Variants in DYNLRB2 observed in about 807,000 individuals in gnomAD.
The protein encoded by DYNLRB2 is bithoraxoid-like protein.
DYNLRB2 carries 14 observed loss-of-function variants against 12.6 expected under a neutral mutation model. The observed-to-expected ratio is 1.11, with a 90% CI of 0.73 to 1.73. The LOEUF is 1.73. DYNLRB2 is among the 40% of genes most tolerant of loss of function. DYNLRB2 has a pLI of 0.00. For synonymous variants in DYNLRB2, 53 were observed against 37.0 expected (o/e 1.43, Z -1.57); for missense variants, 142 against 117.7 (o/e 1.21, Z -0.95).
intron 2 of DYNLRB2, among the ~76,000 whole-genome samples, chr16:80,545,467 G>C (rs1053559344): frequency 1.3e-5 from 2 of 151,918 alleles, no homozygotes; most frequent in Non-Finnish European, 2.9e-5. Context: ...AGCGGTCACC[G>C]GCATGTTCTA....
chr16:80,541,407 A>C (rs920363227), intron 1 of DYNLRB2: 1 of 984,508 alleles, frequency 1.0e-6, no homozygotes, highest in Non-Finnish European at 1.2e-6. Flanking sequence ...AAGTTTCCAA[A>C]GAGGGGGCGG....
chr16:80,549,522 G>C lies in DYNLRB2; in HGVS notation c.118G>C (p.Val40Leu). ...IRTTLDNSTT[V>L]QYAGLLHHLT... ...AACAACCTTGGACAACTCAACAACT[G>C]TTCAATATGCAGGCCTTCTTCATCA... The change falls in exon 3 of 4, where the codon GTT (valine) becomes CTT (leucine). Residue 40 changes from valine (V) to leucine (L), a missense_variant. Physicochemically the swap from Val to Leu is conservative, Grantham distance 32. Coordinates refer to ENST00000305904, the MANE Select transcript of DYNLRB2 (RefSeq NM_130897.3). The C allele has an allele frequency of 6.2e-7, 1 of 1,612,806 alleles. No homozygotes were observed. Among genetic ancestry groups the C allele is most frequent in the Non-Finnish European group, 8.5e-7 (1 of 1,179,164 alleles).
intron 3 of DYNLRB2, 94 bp from the exon 4 acceptor site, chr16:80,550,421 C>G: frequency 7.0e-7 from 1 of 1,437,932 alleles, no homozygotes. Context: ...GCACAAGGTC[C>G]CTGTGATGTT....
At chr16:80,550,055 A>T (rs570457254) in intron 3 of DYNLRB2, among the ~76,000 whole-genome samples, 1 of 152,324 alleles carries the variant, frequency 6.6e-6, no homozygotes, top group African/African-American at 2.4e-5. Flanking sequence ...CCCCAGGTCT[A>T]CCAGAAGACA....
intron 2 of DYNLRB2, among the ~76,000 whole-genome samples, chr16:80,545,384 A>G (rs1015577683): frequency 6.6e-6 from 1 of 152,194 alleles, no homozygotes; most frequent in Admixed American, 6.5e-5. Context: ...ACATTACTCT[A>G]TTTAAAAGGT....
chr16:80,550,679 C>G lies in DYNLRB2; in HGVS notation c.*121C>G. 1.8e-6 allele frequency: 2 copies of G among 1,093,418 alleles called. No individual in the cohort carries two copies. The highest frequency in any genetic ancestry group is 2.8e-6 in the Non-Finnish European group (2 of 720,916). The allele number at this position is 1,093,418 out of a possible 1,614,324, so 67.7% of individuals were successfully genotyped here. A position where few individuals can be genotyped will look rare whatever the true frequency, so the allele number is the denominator to read the frequency against. On this transcript the variant is annotated 3_prime_UTR_variant, in exon 4 of 4. Coordinates refer to ENST00000305904, the MANE Select transcript of DYNLRB2 (RefSeq NM_130897.3). ...CAAACATTCTTTTCTATTTCTATAT[C>G]TAAACTGTTCTGCATGTCTCATTTA...
chr16:80,545,680 T>TTTTTTTTTTC (rs1904414278), intron 2 of DYNLRB2, among the ~76,000 whole-genome samples: 2 of 127,280 alleles, frequency 1.6e-5, no homozygotes, highest in Admixed American at 8.1e-5. Flanking sequence ...TTTTTTTTTT[T>TTTTTTTTTTC]TTTTTGAGAT....
upstream of DYNLRB2, chr16:80,540,943 C>A (rs574675369): frequency 1.2e-5 from 18 of 1,515,970 alleles, no homozygotes; most frequent in South Asian, 1.5e-4. Context: ...AGCCGACTCG[C>A]GAGCGCGCAG....
rs955387132 is a variant in DYNLRB2 at position 80,541,493 on chromosome 16, G to A, written c.3+414G>A. ...GGTGGGACAGGGAAAGCAAGGGAATGGAAGGGTGAGAAGGGAAGATACTGA... is the reference window on the plus strand; with the variant it reads ...GGTGGGACAGGGAAAGCAAGGGAATAGAAGGGTGAGAAGGGAAGATACTGA... On this transcript the variant is annotated intron_variant, in intron 1 of 3. Transcript: ENST00000305904. 1.8e-5 allele frequency: 12 copies of A among 659,252 alleles called. No homozygotes were observed. In the Admixed American group the frequency reaches 1.9e-4, roughly 10 times the overall value. The allele number at this position is 659,252 out of a possible 1,614,324, so 40.8% of individuals were successfully genotyped here. A position where few individuals can be genotyped will look rare whatever the true frequency, so the allele number is the denominator to read the frequency against.
intron 1 of DYNLRB2, among the ~76,000 whole-genome samples, chr16:80,542,797 A>G (rs1904299559): frequency 6.6e-6 from 1 of 152,226 alleles, no homozygotes; most frequent in South Asian, 2.1e-4. Context: ...CGAACTGATT[A>G]GGTCACATTA....
chr16:80,541,306 G>A, intron 1 of DYNLRB2: 1 of 975,404 alleles, frequency 1.0e-6, no homozygotes, highest in Non-Finnish European at 1.2e-6. Flanking sequence ...CGCGGGGATG[G>A]TACATAAGGA....
chr16:80,544,627 A>T (rs1567516731), intron 2 of DYNLRB2: 1 of 152,202 alleles, frequency 6.6e-6, no homozygotes, highest in Non-Finnish European at 1.5e-5. Context: ...ATGGTGTGTT[A>T]GTTTCCTTTG....
intron 2 of DYNLRB2, among the ~76,000 whole-genome samples, chr16:80,548,614 C>T (rs1324257381): frequency 6.6e-6 from 1 of 151,494 alleles, no homozygotes; most frequent in Non-Finnish European, 1.5e-5. Context: ...CTCAGCTACT[C>T]GGGAAACTGA....
chr16:80,550,094 A>C (rs1904744722), intron 3 of DYNLRB2, among the ~76,000 whole-genome samples: 2 of 152,196 alleles, frequency 1.3e-5, no homozygotes, highest in African/African-American at 4.8e-5. Flanking sequence ...CTTTCCCTGA[A>C]GGAATTAGGT....
intron 2 of DYNLRB2, among the ~76,000 whole-genome samples, chr16:80,545,053 G>A (rs1165819500): frequency 6.6e-6 from 1 of 152,006 alleles, no homozygotes; most frequent in Non-Finnish European, 1.5e-5. Context: ...GGGTCTAGGG[G>A]GACACTCTTC....
At chr16:80,541,155 G>A in intron 1 of DYNLRB2, 76 bp downstream of exon 1, 2 of 1,542,810 alleles carry the variant, frequency 1.3e-6, no homozygotes, top group Non-Finnish European at 1.8e-6. Flanking sequence ...CCCAGCTTCT[G>A]GGGCCCACCC....
chr16:80,542,054 A>G (rs1434299169), intron 1 of DYNLRB2, among the ~76,000 whole-genome samples: 4 of 152,172 alleles, frequency 2.6e-5, no homozygotes, highest in Non-Finnish European at 5.9e-5. Context: ...GGTCCTTAAT[A>G]CCACTGTCAT....
intron 1 of DYNLRB2, among the ~76,000 whole-genome samples, chr16:80,542,595 C>T (rs1245201171): frequency 6.6e-6 from 1 of 152,148 alleles, no homozygotes; most frequent in African/African-American, 2.4e-5. Context: ...GAGTTTTCTA[C>T]AGGGGAAGAA....
intron 2 of DYNLRB2, chr16:80,544,569 C>T (rs1904336583): frequency 6.6e-6 from 1 of 152,182 alleles, no homozygotes; most frequent in Admixed American, 6.5e-5. Flanking sequence ...TATTTGCATA[C>T]ACTCTGCCAC....
Sources: allele counts gnomAD v4.1 joint callset (sites outside exome capture counted in the v4.1 genomes callset), GRCh38; gene constraint gnomAD v4.1.1; transcripts MANE v1.5; gene names NCBI Gene and HGNC (gene_info 2026-07-23, HGNC 2026-07-21).